ARHGAP12: variants seen among roughly 807,000 people sequenced by gnomAD.
ARHGAP12 encodes the protein Rho GTPase activating protein 12.
A neutral mutation model predicts 108.6 loss-of-function variants in ARHGAP12; 64 were observed. The ratio of observed to expected loss-of-function variants is 0.59; its 90% CI spans 0.48 to 0.73. The LOEUF (loss-of-function observed/expected upper bound fraction) is 0.73, where lower values mean the gene tolerates loss of function less well. Among genes scored for constraint, ARHGAP12 ranks in the 30% least tolerant of loss-of-function variants. The probability of loss-of-function intolerance (pLI) is 0.00; values close to 1 mark genes in which losing one functional copy is unlikely to be tolerated. For synonymous variants in ARHGAP12, 312 were observed against 337.2 expected (o/e 0.93, Z 0.82); for missense variants, 940 against 1,005.9 (o/e 0.93, Z 0.89).
chr10:31,841,616 T>C (rs764302168), intron 7 of ARHGAP12, among the ~76,000 whole-genome samples: 8 of 152,172 alleles, frequency 5.3e-5, no homozygotes, highest in Admixed American at 6.5e-5. Flanking sequence ...TGCCCCACTG[T>C]AGGTTAATGT....
chr10:31,839,197 A>T, intron 9 of ARHGAP12, 108 bp downstream of exon 9: 1 of 1,155,598 alleles, frequency 8.7e-7, no homozygotes, highest in Non-Finnish European at 1.2e-6. Context: ...ACTTACAGTT[A>T]AGCTATATTA....
chr10:31,855,084 G>A (rs1836837109), intron 4 of ARHGAP12, among the ~76,000 whole-genome samples: 2 of 87,670 alleles, frequency 2.3e-5, no homozygotes, highest in Admixed American at 1.2e-4. Flanking sequence ...GAAAGGAGGG[G>A]GCGAAAAGGA....
rs141706201 is a variant in ARHGAP12, at chr10:31,904,897, G to A, written c.684+3275C>T. ...CCACCTCGGCCTCTCAAAAGTGCTG[G>A]GATTACAAGCATGTGCCACCACACC... On this transcript the variant is annotated intron_variant, in intron 3 of 19. Transcript: ENST00000344936. Among the ~76,000 whole-genome samples the A allele has an allele frequency of 7.2e-5, 11 of 152,052 alleles. No homozygotes were observed. In the East Asian group the frequency reaches 1.7e-3, roughly 24 times the overall value.
intron 3 of ARHGAP12, among the ~76,000 whole-genome samples, chr10:31,897,819 G>A (rs931005817): frequency 6.6e-6 from 1 of 152,104 alleles, no homozygotes. Flanking sequence ...ACTATTAGAC[G>A]GGAAACTGAA....
At position 31,908,588 on chromosome 10, in the gene ARHGAP12, T is replaced by A; in HGVS notation, c.268A>T (p.Asn90Tyr). The A allele has an allele frequency of 6.2e-7, 1 of 1,614,188 alleles. No individual in the cohort carries two copies. Among genetic ancestry groups the A allele is most frequent in the South Asian group, 1.1e-5 (1 of 91,078 alleles). ...PVKQVAGLPNNSTKIMQSLHL... is the reference protein window; with the variant it reads ...PVKQVAGLPNYSTKIMQSLHL... The stretch of plus-strand genomic sequence containing the variant: ...AAACTCTGCATTATTTTCGTGGAGT[T>A]ATTTGGCAGACCAGCTACCTGCTTA... Residue 90 changes from asparagine (N) to tyrosine (Y), a missense_variant, in exon 3 of 20, where the codon AAC becomes TAC. By Grantham distance (143) the Asn-to-Tyr change is moderately radical. Transcript: ENST00000344936.
At chr10:31,832,794 A>ATT (rs200823707) in intron 9 of ARHGAP12, among the ~76,000 whole-genome samples, 2 of 152,102 alleles carry the variant, frequency 1.3e-5, no homozygotes, top group African/African-American at 2.4e-5. Context: ...AATATTGAGC[A>ATT]TTTTTTTTAC....
intron 3 of ARHGAP12, among the ~76,000 whole-genome samples, chr10:31,888,335 G>A (rs1838264575): frequency 6.6e-6 from 1 of 152,104 alleles, no homozygotes; most frequent in Non-Finnish European, 1.5e-5. Flanking sequence ...CTGGCCATAA[G>A]TCTAAACATG....
At chr10:31,817,647 C>G in intron 13 of ARHGAP12, 141 bp downstream of exon 13, 1 of 540,222 alleles carries the variant, frequency 1.9e-6, no homozygotes. Flanking sequence ...GCTAAATTGA[C>G]CATTGTTTTT....
intron 3 of ARHGAP12, among the ~76,000 whole-genome samples, chr10:31,902,638 T>A (rs1265232368): frequency 6.7e-6 from 1 of 149,890 alleles, no homozygotes; most frequent in African/African-American, 2.5e-5. Flanking sequence ...GCCACTGCAC[T>A]CCAGCCTAGG....
chr10:31,908,435 T>A lies in ARHGAP12; in HGVS notation c.421A>T (p.Asn141Tyr). Reference sequence around the variant, plus strand: ...CTTAGGTTGACAGTCTGACCTTGATTATAACTGGGTCCAAAATTCTGATTG... The same window carrying A: ...CTTAGGTTGACAGTCTGACCTTGATAATAACTGGGTCCAAAATTCTGATTG... ...DANQNFGPSYNQGQTVNLSLD... is the reference protein window; with the variant it reads ...DANQNFGPSYYQGQTVNLSLD... Residue 141 changes from asparagine to tyrosine, a missense_variant, in exon 3 of 20, where the codon AAT becomes TAT. Transcript: ENST00000344936. The A allele has an allele frequency of 6.2e-7, 1 of 1,614,220 alleles. No homozygotes were observed. Among genetic ancestry groups the A allele is most frequent in the African/African-American group, 1.3e-5 (1 of 75,078 alleles).
chr10:31,927,796 CGT>C (rs1840111142), intron 1 of ARHGAP12, among the ~76,000 whole-genome samples: 1 of 152,180 alleles, frequency 6.6e-6, no homozygotes, highest in Non-Finnish European at 1.5e-5. Context: ...TAACGAAGAC[CGT>C]GTGGCCATTT....
chr10:31,901,290 G>A (rs780988823), intron 3 of ARHGAP12, among the ~76,000 whole-genome samples: 1 of 151,556 alleles, frequency 6.6e-6, no homozygotes, highest in African/African-American at 2.4e-5. Context: ...CCAGCACTTC[G>A]GGAGACAGAG....
chr10:31,810,547 G>T, intron 16 of ARHGAP12, 102 bp downstream of exon 16: 1 of 762,292 alleles, frequency 1.3e-6, no homozygotes, highest in Non-Finnish European at 2.1e-6. Flanking sequence ...AGGAACTTCT[G>T]TTTGCATCAC....
intron 6 of ARHGAP12, among the ~76,000 whole-genome samples, chr10:31,847,487 C>G (rs1836506624): frequency 6.6e-6 from 1 of 152,270 alleles, no homozygotes; most frequent in Admixed American, 6.5e-5. Context: ...TACTCCCCAC[C>G]ATGTTTCAGT....
chr10:31,823,238 A>T (rs4749695), intron 11 of ARHGAP12, among the ~76,000 whole-genome samples: 30,641 of 152,034 alleles, frequency 0.2, 3,349 homozygotes, highest in East Asian at 0.47. Flanking sequence ...ACAAACAAAC[A>T]TACAAACATA....
At chr10:31,884,475 C>T (rs187417274) in intron 3 of ARHGAP12, among the ~76,000 whole-genome samples, 1 of 152,244 alleles carries the variant, frequency 6.6e-6, no homozygotes, top group East Asian at 1.9e-4. Flanking sequence ...GGAAGAAATA[C>T]TTTACAGCCT....
chr10:31,881,913 ATG>A (rs1166862328), intron 3 of ARHGAP12, among the ~76,000 whole-genome samples: 1 of 149,500 alleles, frequency 6.7e-6, no homozygotes, highest in African/African-American at 2.5e-5. Flanking sequence ...TTTTGTTTAG[ATG>A]TTTTTTTTTT....
intron 3 of ARHGAP12, among the ~76,000 whole-genome samples, chr10:31,893,543 C>G (rs1838547070): frequency 7.0e-6 from 1 of 141,916 alleles, no homozygotes; most frequent in African/African-American, 2.6e-5. Flanking sequence ...AAGACTAAAC[C>G]AGGAAGAAGT....
chr10:31,827,744 T>C (rs374667903), intron 10 of ARHGAP12, among the ~76,000 whole-genome samples: 4 of 150,674 alleles, frequency 2.7e-5, no homozygotes, highest in South Asian at 2.1e-4. Context: ...TGAGCCGAGA[T>C]TGCACCACTG....
Sources: allele counts gnomAD v4.1 joint callset (sites outside exome capture counted in the v4.1 genomes callset), GRCh38; gene constraint gnomAD v4.1.1; transcripts MANE v1.5; gene names NCBI Gene and HGNC (gene_info 2026-07-23, HGNC 2026-07-21).